The following PRKCA variants were observed in gnomAD, a reference collection of about 807,000 sequenced individuals.
The protein encoded by PRKCA is protein kinase C alpha, also known as protein kinase C alpha type.
In PRKCA, 27 loss-of-function variants were observed where a neutral mutation model predicts 87.0. The ratio of observed to expected loss-of-function variants is 0.31; its 90% CI spans 0.23 to 0.43. The LOEUF is 0.43. Among genes scored for constraint, PRKCA ranks in the 20% least tolerant of loss-of-function variants. The probability of loss-of-function intolerance (pLI) is 1.00; values close to 1 mark genes in which losing one functional copy is unlikely to be tolerated. For synonymous variants in PRKCA, 329 were observed against 311.1 expected, an observed-to-expected ratio of 1.06 and a Z score of -0.61; for missense variants, 518 against 852.3, an observed-to-expected ratio of 0.61 and a Z score of 4.88.
At chr17:66,711,645 C>T (rs903390297) in intron 8 of PRKCA, among the ~76,000 whole-genome samples, 3 of 152,142 alleles carry the variant, frequency 2.0e-5, no homozygotes, top group African/African-American at 7.2e-5. Flanking sequence ...CCAAGATTGT[C>T]GCAGTGCTTT....
intron 3 of PRKCA, chr17:66,639,386 T>A (rs892950081): frequency 2.6e-5 from 4 of 152,092 alleles, no homozygotes; most frequent in Admixed American, 1.3e-4. Context: ...GCTCTACTAT[T>A]ATTTATTTAT....
At chr17:66,517,308 G>A (rs148297260) in intron 3 of PRKCA, among the ~76,000 whole-genome samples, 8 of 152,222 alleles carry the variant, frequency 5.3e-5, no homozygotes, top group East Asian at 1.9e-4. Flanking sequence ...TTCAGAATTA[G>A]TATCTCAGGA....
chr17:66,572,895 T>TA (rs1380596121), intron 3 of PRKCA, among the ~76,000 whole-genome samples: 1 of 152,202 alleles, frequency 6.6e-6, no homozygotes, highest in African/African-American at 2.4e-5. Flanking sequence ...AAATTTCAAT[T>TA]AAAAAATACA....
chr17:66,460,705 G>T (rs989485378), intron 2 of PRKCA, among the ~76,000 whole-genome samples: 1 of 152,182 alleles, frequency 6.6e-6, no homozygotes, highest in Admixed American at 6.5e-5. Flanking sequence ...CAGACCAGCA[G>T]CTTAGTGTCT....
intron 3 of PRKCA, among the ~76,000 whole-genome samples, chr17:66,582,747 G>A (rs1028280331): frequency 6.6e-6 from 1 of 152,180 alleles, no homozygotes; most frequent in African/African-American, 2.4e-5. Flanking sequence ...CCACCAGGAT[G>A]TGAGCTGTAC....
intron 3 of PRKCA, among the ~76,000 whole-genome samples, chr17:66,538,822 A>G (rs750189956): frequency 6.6e-6 from 1 of 152,224 alleles, no homozygotes; most frequent in South Asian, 2.1e-4. Flanking sequence ...AAAGCATTCC[A>G]GTTAGCAAAC....
chr17:66,400,514 C>T (rs1370923292), intron 2 of PRKCA, among the ~76,000 whole-genome samples: 3 of 152,218 alleles, frequency 2.0e-5, no homozygotes, highest in African/African-American at 7.2e-5. Context: ...CTGAAACTGT[C>T]TGCCTATCAA....
chr17:66,681,256 G>T (rs145698026), intron 5 of PRKCA, among the ~76,000 whole-genome samples: 2 of 152,152 alleles, frequency 1.3e-5, no homozygotes, highest in Admixed American at 6.5e-5. Context: ...CATCTGGACC[G>T]TTCTCTGAAC....
At chr17:66,413,573 G>A (rs952585707) in intron 2 of PRKCA, among the ~76,000 whole-genome samples, 2 of 152,156 alleles carry the variant, frequency 1.3e-5, no homozygotes, top group Admixed American at 6.6e-5. Context: ...CTATTGAGGA[G>A]CCCACCAAGT....
intron 2 of PRKCA, among the ~76,000 whole-genome samples, chr17:66,459,642 T>A (rs1020780507): frequency 8.5e-5 from 13 of 152,206 alleles, no homozygotes; most frequent in Non-Finnish European, 1.8e-4. Context: ...TTCCTTGCTG[T>A]TATTAAGCAG....
chr17:66,718,111 G>T (rs924771596), intron 8 of PRKCA, among the ~76,000 whole-genome samples: 4 of 152,108 alleles, frequency 2.6e-5, no homozygotes, highest in Non-Finnish European at 5.9e-5. Flanking sequence ...TAGTCCACTC[G>T]GGCTGCTATA....
intron 3 of PRKCA, among the ~76,000 whole-genome samples, chr17:66,531,443 C>A (rs568819167): frequency 1.3e-5 from 2 of 152,234 alleles, no homozygotes; most frequent in African/African-American, 4.8e-5. Context: ...TTTGCCAGAA[C>A]TCCCCCATTG....
chr17:66,724,720 CTCT>C (rs1973701040), intron 8 of PRKCA, among the ~76,000 whole-genome samples: 1 of 152,250 alleles, frequency 6.6e-6, no homozygotes, highest in African/African-American at 2.4e-5. Flanking sequence ...AGCACACTTA[CTCT>C]TCTGCTTCCT....
intron 8 of PRKCA, among the ~76,000 whole-genome samples, chr17:66,696,269 T>C (rs749371833): frequency 7.2e-5 from 11 of 152,340 alleles, no homozygotes; most frequent in Admixed American, 2.0e-4. Flanking sequence ...TTGTATGACC[T>C]GGGACAGATT....
chr17:66,361,338 G>T (rs1022263470), intron 2 of PRKCA, among the ~76,000 whole-genome samples: 14 of 151,092 alleles, frequency 9.3e-5, no homozygotes, highest in Admixed American at 8.6e-4. Context: ...TTAGGACAGG[G>T]TCTCGCTCTG....
At chr17:66,515,656 C>A (rs184067242) in intron 3 of PRKCA, among the ~76,000 whole-genome samples, 1 of 152,076 alleles carries the variant, frequency 6.6e-6, no homozygotes, top group African/African-American at 2.4e-5. Flanking sequence ...GATCCTCCCC[C>A]CATCAGTCTC....
At chr17:66,308,855 A>C (rs181585095) in intron 2 of PRKCA, among the ~76,000 whole-genome samples, 39 of 151,782 alleles carry the variant, frequency 2.6e-4, no homozygotes, top group African/African-American at 9.4e-4. Context: ...ACTATCGTAG[A>C]GTGAAGTTTT....
At chr17:66,340,547 C>T (rs1038548424) in intron 2 of PRKCA, among the ~76,000 whole-genome samples, 2 of 151,838 alleles carry the variant, frequency 1.3e-5, no homozygotes, top group Admixed American at 6.6e-5. Flanking sequence ...ATTAATTTGG[C>T]GTAAGTGTGA....
intron 8 of PRKCA, among the ~76,000 whole-genome samples, chr17:66,717,660 G>C (rs1269146194): frequency 6.6e-6 from 1 of 152,152 alleles, no homozygotes; most frequent in African/African-American, 2.4e-5. Context: ...TAGTTTCAGG[G>C]CCTCTGTAGA....
Sources: allele counts gnomAD v4.1 joint callset (sites outside exome capture counted in the v4.1 genomes callset), GRCh38; gene constraint gnomAD v4.1.1; transcripts MANE v1.5; gene names NCBI Gene and HGNC (gene_info 2026-07-23, HGNC 2026-07-21).